Variants in ADGRB3 observed in about 807,000 individuals in gnomAD.
The protein encoded by ADGRB3 is brain-specific angiogenesis inhibitor 3.
A neutral mutation model predicts 193.4 loss-of-function variants in ADGRB3; 37 were observed. That is an observed-to-expected ratio of 0.19 (90% CI 0.15 to 0.25). ADGRB3 has a LOEUF of 0.25. Among genes scored for constraint, ADGRB3 ranks in the 10% least tolerant of loss-of-function variants. The probability of loss-of-function intolerance (pLI) is 1.00; values close to 1 mark genes in which losing one functional copy is unlikely to be tolerated. For synonymous variants in ADGRB3, 690 were observed against 644.2 expected (o/e 1.07, Z -1.08); for missense variants, 1,637 against 1,852.9 (o/e 0.88, Z 2.14).
chr6:69,263,791 G>A (rs1017735472), intron 20 of ADGRB3, among the ~76,000 whole-genome samples: 2 of 151,942 alleles, frequency 1.3e-5, no homozygotes, highest in African/African-American at 4.8e-5. Context: ...GAGTCTTAAT[G>A]ATTAACTTTA....
In ADGRB3 at chr6:68,901,623, A is replaced by G. The variant is rs545524146; in HGVS notation, c.758-28936A>G. 1.1e-4 allele frequency among the ~76,000 whole-genome samples: 16 copies of G among 152,344 alleles called. 1 individual carries two copies. In the South Asian group the frequency reaches 2.9e-3, roughly 28 times the overall value. The stretch of plus-strand genomic sequence containing the variant: ...TATTTCTTTTGTCATTATCTATAGT[A>G]CCAGTGTATAATTTTAACAACTTAA... On this transcript the variant is annotated intron_variant, in intron 3 of 31. Coordinates refer to ENST00000370598, the MANE Select transcript of ADGRB3 (RefSeq NM_001704.3).
intron 13 of ADGRB3, among the ~76,000 whole-genome samples, chr6:69,032,700 G>A (rs2793455): frequency 0.99 from 150,933 of 152,300 alleles, 74,808 homozygotes; most frequent in Middle Eastern, 1. Context: ...AAATAAATAA[G>A]TATTCATGTG....
chr6:69,345,977 C>G lies in ADGRB3; in HGVS notation c.3459+6473C>G, dbSNP rs1329753778. Among the ~76,000 whole-genome samples the G allele has an allele frequency of 2.0e-5, 3 of 152,064 alleles. 1 individual carries two copies. Among genetic ancestry groups the G allele is most frequent in the Admixed American group, 2.0e-4 (3 of 15,266 alleles). On this transcript the variant is annotated intron_variant, in intron 26 of 31. Transcript: ENST00000370598. ...ACACCAATAATAGACAAACAGAGAG[C>G]CAAATTATGAGTGAACTCCCATTTA...
chr6:69,301,927 G>T (rs922163548), intron 20 of ADGRB3, among the ~76,000 whole-genome samples: 1 of 151,876 alleles, frequency 6.6e-6, no homozygotes, highest in Non-Finnish European at 1.5e-5. Flanking sequence ...ACAACTAAAA[G>T]CAAAAAGAAG....
intron 16 of ADGRB3, among the ~76,000 whole-genome samples, chr6:69,070,974 A>G (rs1418698361): frequency 1.3e-5 from 2 of 152,188 alleles, no homozygotes; most frequent in African/African-American, 4.8e-5. Context: ...CAAAAGTACT[A>G]TCCACTCTAT....
At chr6:68,640,663 T>G (rs1768064712) in intron 3 of ADGRB3, among the ~76,000 whole-genome samples, 1 of 152,246 alleles carries the variant, frequency 6.6e-6, no homozygotes, top group African/African-American at 2.4e-5. Context: ...GAAGTTGTCT[T>G]TGTGGCCAAT....
At chr6:68,871,719 GTCTATTTTCTGACA>G (rs1765460532) in intron 3 of ADGRB3, among the ~76,000 whole-genome samples, 1 of 151,942 alleles carries the variant, frequency 6.6e-6, no homozygotes, top group South Asian at 2.1e-4. Flanking sequence ...ACTTGCATTA[GTCTATTTTCTGACA>G]AAAAGGGCTT....
chr6:68,888,525 C>T (rs1562072683), intron 3 of ADGRB3, among the ~76,000 whole-genome samples: 1 of 140,698 alleles, frequency 7.1e-6, no homozygotes, highest in African/African-American at 2.7e-5. Context: ...TTTTCAGTTC[C>T]TTTTTTGGGT....
intron 4 of ADGRB3, among the ~76,000 whole-genome samples, chr6:68,934,546 T>C (rs576009813): frequency 6.6e-6 from 1 of 152,344 alleles, no homozygotes; most frequent in South Asian, 2.1e-4. Context: ...ATTTCACTTA[T>C]AGAATCCACA....
chr6:69,372,917 T>C (rs1769736327), intron 30 of ADGRB3, among the ~76,000 whole-genome samples: 1 of 152,038 alleles, frequency 6.6e-6, no homozygotes, highest in Non-Finnish European at 1.5e-5. Flanking sequence ...GTACATTTGA[T>C]GCTTTTTTTT....
chr6:69,347,603 C>A (rs1275648653), intron 26 of ADGRB3, among the ~76,000 whole-genome samples: 1 of 151,762 alleles, frequency 6.6e-6, no homozygotes, highest in African/African-American at 2.4e-5. Context: ...ACAGTGAGAC[C>A]CACATCTCTA....
At chr6:68,935,719 CCTT>C (rs1158544116) in intron 4 of ADGRB3, among the ~76,000 whole-genome samples, 6 of 151,836 alleles carry the variant, frequency 4.0e-5, no homozygotes, top group African/African-American at 1.2e-4. Context: ...TTTTGAGTCT[CCTT>C]GAGACATAAT....
chr6:68,979,004 G>T (rs1490152716), intron 10 of ADGRB3, among the ~76,000 whole-genome samples: 12 of 151,198 alleles, frequency 7.9e-5, no homozygotes, highest in Admixed American at 1.3e-4. Flanking sequence ...AACATTAGTT[G>T]TGTATGTTCT....
intron 26 of ADGRB3, among the ~76,000 whole-genome samples, chr6:69,340,816 C>T (rs186844969): frequency 1.1e-3 from 168 of 152,166 alleles, no homozygotes; most frequent in Admixed American, 2.1e-3. Context: ...TCCCTGTGTC[C>T]GTGTGTTCTC....
At chr6:69,058,277 G>A (rs1771606073) in intron 15 of ADGRB3, among the ~76,000 whole-genome samples, 1 of 151,720 alleles carries the variant, frequency 6.6e-6, no homozygotes, top group South Asian at 2.1e-4. Context: ...AGTGCCATCA[G>A]TTGTGATGTC....
At chr6:68,943,754 T>A (rs1047418581) in intron 5 of ADGRB3, 76 bp from the exon 6 acceptor site, 1 of 1,334,782 alleles carries the variant, frequency 7.5e-7, no homozygotes, top group African/African-American at 1.4e-5. Context: ...TGAGTTTTGC[T>A]TTTTAATTAT....
At chr6:69,263,448 A>G (rs1766971825) in intron 20 of ADGRB3, among the ~76,000 whole-genome samples, 1 of 152,020 alleles carries the variant, frequency 6.6e-6, no homozygotes. Context: ...ATGACTCATG[A>G]GTGCAATCAC....
At chr6:69,267,726 A>G (rs912936733) in intron 20 of ADGRB3, among the ~76,000 whole-genome samples, 1 of 152,100 alleles carries the variant, frequency 6.6e-6, no homozygotes, top group Non-Finnish European at 1.5e-5. Context: ...GGTTGTTTCA[A>G]GTTACCAGCA....
chr6:68,759,757 G>A (rs2127350585), intron 3 of ADGRB3, among the ~76,000 whole-genome samples: 1 of 152,020 alleles, frequency 6.6e-6, no homozygotes, highest in Admixed American at 6.6e-5. Flanking sequence ...TTTCCAATAT[G>A]TAAAAATGAA....
Sources: allele counts gnomAD v4.1 joint callset (sites outside exome capture counted in the v4.1 genomes callset), GRCh38; gene constraint gnomAD v4.1.1; transcripts MANE v1.5; gene names NCBI Gene and HGNC (gene_info 2026-07-23, HGNC 2026-07-21).